Variants in ITGA10 observed in about 807,000 individuals in gnomAD.
The protein encoded by ITGA10 is integrin alpha-10.
ITGA10 carries 105 observed loss-of-function variants against 145.2 expected under a neutral mutation model. The observed-to-expected ratio is 0.72, with a 90% CI of 0.62 to 0.85. The LOEUF is 0.85. Among genes scored for constraint, ITGA10 ranks in the 40% least tolerant of loss-of-function variants. The probability of loss-of-function intolerance (pLI) is 0.00; values close to 1 mark genes in which losing one functional copy is unlikely to be tolerated. For missense variants in ITGA10, 1,317 were observed against 1,444.5 expected, an observed-to-expected ratio of 0.91 and a Z score of 1.43; for synonymous variants, 506 against 557.8, an observed-to-expected ratio of 0.91 and a Z score of 1.31.
chr1:145,900,079 G>A lies in ITGA10; in HGVS notation c.1900C>T (p.Gln634Ter). 1.9e-6 allele frequency: 3 copies of A among 1,613,630 alleles called. No individual in the cohort carries two copies. The highest frequency in any genetic ancestry group is 2.5e-6 in the Non-Finnish European group (3 of 1,179,796). Residue 634 changes from glutamine to a stop codon, truncating the protein, a stop_gained, in exon 15 of 30, where the codon CAG (glutamine) becomes TAG (stop). Coordinates refer to ENST00000369304, the MANE Select transcript of ITGA10 (RefSeq NM_003637.5). LOFTEE classifies it high-confidence loss of function. ...CACCTGAGCAGGATGGCTGCCCCCTGGGCACCCACAGCCACATCGACCAGA... is the reference window on the plus strand; with the variant it reads ...CACCTGAGCAGGATGGCTGCCCCCTAGGCACCCACAGCCACATCGACCAGA... ...DDLVDVAVGA[Q>*]GAAILLSSRP...
intron 26 of ITGA10, 85 bp downstream of exon 26, chr1:145,895,546 T>C: frequency 6.9e-7 from 1 of 1,441,272 alleles, no homozygotes. Flanking sequence ...GATCCCTTCT[T>C]CCCCACTCCA....
chr1:145,901,051 C>T lies in ITGA10; in HGVS notation c.1588-58G>A. The T allele has an allele frequency of 6.2e-7, 1 of 1,612,834 alleles. No homozygotes were observed. The highest frequency in any genetic ancestry group is 2.2e-5 in the East Asian group (1 of 44,870). On this transcript the variant is annotated intron_variant, in intron 13 of 29. Transcript: ENST00000369304. The surrounding 1 kb of genome is among the most constrained non-coding windows in gnomAD (Gnocchi z 4.3). ...CTGGCAGACCCAACCTCTCAGCAAA[C>T]CCTCAAATATGTGCACCTTCCCTCC...
chr1:145,897,133 A>G (rs1570853483), intron 21 of ITGA10, 46 bp from the exon 22 acceptor site: 1 of 1,569,956 alleles, frequency 6.4e-7, no homozygotes. Context: ...TCCTCATGGA[A>G]CAACTACAGA....
chr1:145,898,840 T>G (rs1478786673), intron 17 of ITGA10, 96 bp downstream of exon 17: 2 of 1,434,218 alleles, frequency 1.4e-6, no homozygotes, highest in Non-Finnish European at 9.4e-7. Context: ...TTCCCGGCTT[T>G]GGCTTTCTTG....
intron 1 of ITGA10, among the ~76,000 whole-genome samples, chr1:145,909,077 C>A (rs781836007): frequency 1.7e-4 from 26 of 151,324 alleles, no homozygotes; most frequent in Non-Finnish European, 2.7e-4. Context: ...CTGTCGGGGG[C>A]GGATTGCTTG....
At chr1:145,895,231 G>T (rs587769436) in intron 27 of ITGA10, 49 bp downstream of exon 27, 1 of 1,381,918 alleles carries the variant, frequency 7.2e-7, no homozygotes, top group East Asian at 2.3e-5. Flanking sequence ...CTATGCTAAA[G>T]TTCCAGAAAG....
intron 7 of ITGA10, among the ~76,000 whole-genome samples, chr1:145,903,499 A>T (rs1248352578): frequency 6.6e-6 from 1 of 152,182 alleles, no homozygotes; most frequent in Non-Finnish European, 1.5e-5. Flanking sequence ...ACACAGACAT[A>T]GATACTTTGT....
intron 27 of ITGA10, 121 bp from the exon 28 acceptor site, chr1:145,893,756 G>T: frequency 1.4e-6 from 1 of 699,612 alleles, no homozygotes; most frequent in Non-Finnish European, 2.4e-6. Flanking sequence ...CTCAAGACCA[G>T]AAGAAAAGGC....
intron 7 of ITGA10, among the ~76,000 whole-genome samples, chr1:145,903,219 G>A (rs1168362949): frequency 2.0e-5 from 3 of 152,114 alleles, no homozygotes; most frequent in African/African-American, 4.8e-5. Context: ...TAAGTACAAC[G>A]TTCATACACT....
At position 145,899,284 on chromosome 1, in the gene ITGA10, A is replaced by G. The variant is rs782566469; in HGVS notation, c.1980T>C (p.Ser660=). 3.1e-6 allele frequency: 5 copies of G among 1,614,070 alleles called. No individual in the cohort carries two copies. The highest frequency in any genetic ancestry group is 1.7e-6 in the Non-Finnish European group (2 of 1,180,032). The stretch of plus-strand genomic sequence containing the variant: ...GCCGCCTACAGTCCCTCTGAACCAC[A>G]CTGATGGCCTGTGGGGTCACCTCCA... The part of the protein sequence containing the change: ...PSLEVTPQAI[S]VVQRDCRRRG... Residue 660 remains serine (S), a synonymous_variant, in exon 16 of 30, where the codon AGT becomes AGC. Coordinates refer to ENST00000369304, the MANE Select transcript of ITGA10 (RefSeq NM_003637.5).
At chr1:145,909,632 TTA>T (rs1559218608) in intron 1 of ITGA10, among the ~76,000 whole-genome samples, 4 of 139,572 alleles carry the variant, frequency 2.9e-5, no homozygotes, top group South Asian at 2.1e-4. Context: ...ATGTTATATA[TTA>T]TATGTATATT....
Position 145,899,402 on chromosome 1 carries a change from G to A in ITGA10, c.1923-61C>T, listed in dbSNP as rs587658665. 88 of 1,557,796 alleles carry A rather than the reference G, an allele frequency of 5.6e-5. 1 individual carries two copies. In the East Asian group the frequency reaches 1.8e-3, roughly 33 times the overall value. On this transcript the variant is annotated intron_variant, in intron 15 of 29. Transcript: ENST00000369304. Reference sequence around the variant, plus strand: ...GAGGTAAGCCCTCTGAGAAGTGCAAGCCCAGTGTTTGCTTCCCCATGGTCA... The same window carrying A: ...GAGGTAAGCCCTCTGAGAAGTGCAAACCCAGTGTTTGCTTCCCCATGGTCA...
intron 7 of ITGA10, 89 bp from the exon 8 acceptor site, chr1:145,903,050 CACACACACACACACACAG>C (rs1656606222): frequency 3.3e-6 from 3 of 901,812 alleles, no homozygotes; most frequent in Non-Finnish European, 4.9e-6. Flanking sequence ...CACACACACA[CACACACACACACACACAG>C]GATTTAACAT....
At chr1:145,893,422 A>G (rs782578253) in intron 28 of ITGA10, 118 bp downstream of exon 28, 9 of 949,264 alleles carry the variant, frequency 9.5e-6, no homozygotes, top group Non-Finnish European at 1.5e-5. Context: ...CGGCAGTGGA[A>G]CACTAGGATC....
intron 1 of ITGA10, among the ~76,000 whole-genome samples, chr1:145,908,588 T>TTA (rs1213771142): frequency 6.6e-6 from 1 of 152,168 alleles, no homozygotes; most frequent in African/African-American, 2.4e-5. Flanking sequence ...GAAACAATGA[T>TTA]TACAGGGCAC....
Position 145,907,351 on chromosome 1 carries a change from C to T in ITGA10, c.164+3G>A, listed in dbSNP as rs782406452. ...TCCCCTGGCACTCCGGTTTCTTCCTCACCATCGCTGTCCACCCCCAACATG... is the reference window on the plus strand; with the variant it reads ...TCCCCTGGCACTCCGGTTTCTTCCTTACCATCGCTGTCCACCCCCAACATG... On this transcript the variant is annotated splice_donor_region_variant and intron_variant, in intron 2 of 29. Coordinates refer to ENST00000369304, the MANE Select transcript of ITGA10 (RefSeq NM_003637.5). The T allele has an allele frequency of 1.2e-6, 2 of 1,614,220 alleles. No homozygotes were observed. Among genetic ancestry groups the T allele is most frequent in the East Asian group, 4.5e-5 (2 of 44,888 alleles).
chr1:145,894,253 A>T (rs1655083691), intron 27 of ITGA10, among the ~76,000 whole-genome samples: 1 of 151,232 alleles, frequency 6.6e-6, no homozygotes, highest in African/African-American at 2.4e-5. Context: ...CTGGGACTAT[A>T]GGCGCCTGCC....
rs1237180304 is a variant in ITGA10, at chr1:145,892,464, G to A, written c.*334C>T. On this transcript the variant is annotated 3_prime_UTR_variant, in exon 30 of 30. Coordinates refer to ENST00000369304, the MANE Select transcript of ITGA10 (RefSeq NM_003637.5). ...GGGAAGATAAAGAGGGAATCTGAAA[G>A]GAGTCAGGCACCTAGGCAAAAAAAT... 8.5e-6 allele frequency: 2 copies of A among 236,214 alleles called. No homozygotes were observed. The highest frequency in any genetic ancestry group is 2.3e-5 in the African/African-American group (1 of 44,326). 14.6% of individuals were successfully genotyped at this position (236,214 alleles called of 1,614,324 possible).
chr1:145,904,419 GA>G (rs1376012425), intron 6 of ITGA10, among the ~76,000 whole-genome samples: 14 of 152,208 alleles, frequency 9.2e-5, no homozygotes, highest in East Asian at 7.7e-4. Flanking sequence ...ACCCAGGCTG[GA>G]GTGCAGTTGT....
Sources: allele counts gnomAD v4.1 joint callset (sites outside exome capture counted in the v4.1 genomes callset), GRCh38; gene constraint gnomAD v4.1.1; non-coding constraint Gnocchi (gnomAD v3.1); transcripts MANE v1.5; gene names NCBI Gene and HGNC (gene_info 2026-07-23, HGNC 2026-07-21).